The following RNF168 variants were observed in gnomAD, a reference collection of about 807,000 sequenced individuals.
RNF168 encodes ring finger protein 168.
In RNF168, 34 loss-of-function variants were observed where a neutral mutation model predicts 34.9. The observed-to-expected ratio is 0.97, with a 90% CI of 0.74 to 1.30. The LOEUF is 1.30. Ranked by LOEUF, RNF168 falls within the 50% of genes most tolerant of loss-of-function variation. RNF168 has a pLI of 0.00. For synonymous variants in RNF168, 264 were observed against 254.7 expected, an observed-to-expected ratio of 1.04 and a Z score of -0.35; for missense variants, 725 against 682.5, an observed-to-expected ratio of 1.06 and a Z score of -0.69.
intron 4 of RNF168, among the ~76,000 whole-genome samples, chr3:196,480,633 C>T (rs1238072745): frequency 6.6e-6 from 1 of 152,082 alleles, no homozygotes; most frequent in Non-Finnish European, 1.5e-5. Context: ...ACAATTTTCT[C>T]CACGGGTCGT....
At chr3:196,481,202 T>C (rs990832152) in intron 4 of RNF168, among the ~76,000 whole-genome samples, 6 of 152,202 alleles carry the variant, frequency 3.9e-5, no homozygotes, top group Non-Finnish European at 8.8e-5. Context: ...ATTGTGTTAC[T>C]GTGCAGACTA....
intron 5 of RNF168, among the ~76,000 whole-genome samples, chr3:196,473,251 G>C (rs138872738): frequency 3.7e-4 from 56 of 152,108 alleles, no homozygotes; most frequent in African/African-American, 1.3e-3. Context: ...CCCTCCTTTT[G>C]GCATTTAGGT....
At chr3:196,482,904 T>A (rs1263694207) in intron 4 of RNF168, among the ~76,000 whole-genome samples, 1 of 152,176 alleles carries the variant, frequency 6.6e-6, no homozygotes, top group Admixed American at 6.5e-5. Flanking sequence ...TGCTTTTAAA[T>A]CCTTAGTTTT....
In RNF168 at chr3:196,471,884, G is replaced by A. The variant is rs1294802374; in HGVS notation, c.1651C>T (p.His551Tyr). 6 of 1,614,084 alleles carry A rather than the reference G, an allele frequency of 3.7e-6. No individual in the cohort carries two copies. In the Admixed American group the frequency reaches 6.7e-5, roughly 18 times the overall value. Reference sequence around the variant, plus strand: ...TGTGAAATGCTAGGCTGTAGGGAGTGAGCACTTTTGGATACCTTACAGTGA... The same window carrying A: ...TGTGAAATGCTAGGCTGTAGGGAGTAAGCACTTTTGGATACCTTACAGTGA... ...RDHCKVSKSA[H>Y]SLQPSISQKS... The change falls in exon 6 of 6, where the codon CAC becomes TAC. Residue 551 changes from histidine to tyrosine, a missense_variant. Coordinates refer to ENST00000318037, the MANE Select transcript of RNF168 (RefSeq NM_152617.4).
chr3:196,473,446 T>C (rs1038658086), intron 5 of RNF168, among the ~76,000 whole-genome samples: 12 of 152,242 alleles, frequency 7.9e-5, no homozygotes, highest in African/African-American at 2.9e-4. Context: ...TAATAACTCA[T>C]AATACCCAAT....
At position 196,471,289 on chromosome 3, in the gene RNF168, A is replaced by C. The variant is rs1475424812; in HGVS notation, c.*530T>G. The C allele has an allele frequency of 6.6e-6, 1 of 151,608 alleles. No individual in the cohort carries two copies. Among genetic ancestry groups the C allele is most frequent in the African/African-American group, 2.4e-5 (1 of 41,364 alleles). 9.4% of individuals were successfully genotyped at this position (151,608 alleles called of 1,614,324 possible). ...TTTTGAAACTCCGTCTAAAAAAAAA[A>C]AACAAACACCAAAGGAAATGCTACA... On this transcript the variant is annotated 3_prime_UTR_variant, in exon 6 of 6. Transcript: ENST00000318037.
intron 4 of RNF168, among the ~76,000 whole-genome samples, chr3:196,479,887 C>T (rs887804526): frequency 3.9e-5 from 6 of 152,186 alleles, no homozygotes; most frequent in East Asian, 1.9e-4. Flanking sequence ...CTACTGCGCC[C>T]GGCTTGTGAT....
chr3:196,499,512 C>G (rs759364046), intron 1 of RNF168, among the ~76,000 whole-genome samples: 11 of 152,046 alleles, frequency 7.2e-5, no homozygotes, highest in Non-Finnish European at 1.3e-4. Context: ...ACAGAAAAAA[C>G]TCATCTATGG....
intron 4 of RNF168, among the ~76,000 whole-genome samples, chr3:196,477,158 A>G (rs2108646118): frequency 6.6e-6 from 1 of 152,358 alleles, no homozygotes; most frequent in South Asian, 2.1e-4. Context: ...TAGAAAAGGC[A>G]GGCTACAAGA....
intron 4 of RNF168, among the ~76,000 whole-genome samples, chr3:196,477,548 A>G (rs2108646251): frequency 6.6e-6 from 1 of 152,348 alleles, no homozygotes. Context: ...TCAGTTGAAA[A>G]GAAGCTTAGT....
chr3:196,486,924 G>C (rs1436599661), intron 3 of RNF168, among the ~76,000 whole-genome samples: 2 of 152,320 alleles, frequency 1.3e-5, no homozygotes, highest in East Asian at 3.9e-4. Flanking sequence ...AGCCAGGCAT[G>C]GTAGTGCCAG....
chr3:196,502,581 C>T (rs1732925994), intron 1 of RNF168, among the ~76,000 whole-genome samples: 1 of 149,294 alleles, frequency 6.7e-6, no homozygotes, highest in Non-Finnish European at 1.5e-5. Context: ...GAGCGAGATC[C>T]TGTCTCAAAA....
chr3:196,487,465 C>T lies in RNF168; in HGVS notation c.492G>A (p.Arg164=), dbSNP rs761383055. The T allele has an allele frequency of 6.2e-6, 10 of 1,614,060 alleles. No homozygotes were observed. The highest frequency in any genetic ancestry group is 1.7e-5 in the Admixed American group (1 of 60,006). Reference sequence around the variant, plus strand: ...TCAGTTGTTCTTCCATCGCTCTTCGCCTTTTTTCTGCCTGTCTTTTTTCCT... The same window carrying T: ...TCAGTTGTTCTTCCATCGCTCTTCGTCTTTTTTCTGCCTGTCTTTTTTCCT... ...EEEEKRQAEK[R]RRAMEEQLKS... Residue 164 remains arginine, a synonymous_variant, in exon 3 of 6, where the codon AGG becomes AGA. Transcript: ENST00000318037.
chr3:196,477,041 C>A (rs370823681), intron 4 of RNF168, among the ~76,000 whole-genome samples: 117 of 152,332 alleles, frequency 7.7e-4, no homozygotes, highest in Middle Eastern at 3.4e-3. Context: ...AGCCACTGCA[C>A]CTGGTCATAT....
At chr3:196,497,778 A>G (rs1732781401) in intron 1 of RNF168, among the ~76,000 whole-genome samples, 1 of 152,248 alleles carries the variant, frequency 6.6e-6, no homozygotes, top group South Asian at 2.1e-4. Context: ...TATAAAAGGA[A>G]AAATTTATGA....
chr3:196,478,033 A>G (rs1732187879), intron 4 of RNF168, among the ~76,000 whole-genome samples: 1 of 152,162 alleles, frequency 6.6e-6, no homozygotes, highest in South Asian at 2.1e-4. Context: ...GCAGTGAGCT[A>G]TTTTCTTGCC....
At chr3:196,500,437 A>C (rs528462852) in intron 1 of RNF168, among the ~76,000 whole-genome samples, 3 of 152,286 alleles carry the variant, frequency 2.0e-5, no homozygotes, top group Admixed American at 1.3e-4. Flanking sequence ...CACTTACAGG[A>C]GGTACCTAGA....
intron 4 of RNF168, among the ~76,000 whole-genome samples, chr3:196,483,507 G>A (rs1474244228): frequency 6.6e-6 from 1 of 152,132 alleles, no homozygotes; most frequent in African/African-American, 2.4e-5. Context: ...AAGAGAAAGA[G>A]GAATCCAATG....
chr3:196,500,787 C>T (rs931695384), intron 1 of RNF168, among the ~76,000 whole-genome samples: 11 of 152,016 alleles, frequency 7.2e-5, no homozygotes, highest in Admixed American at 2.0e-4. Flanking sequence ...TCTCGGCTCA[C>T]TGCAAGCTCC....
Sources: gnomAD v4.1 joint callset for allele counts (sites outside exome capture counted in the v4.1 genomes callset) on GRCh38, gnomAD v4.1.1 for gene constraint, MANE v1.5 for transcripts, NCBI Gene and HGNC (gene_info 2026-07-23, HGNC 2026-07-21) for gene names.